The following FRMPD4 variants were observed in gnomAD, a reference collection of about 807,000 sequenced individuals.
The protein encoded by FRMPD4 is FERM and PDZ domain-containing protein 4.
In FRMPD4, 22 loss-of-function variants were observed where a neutral mutation model predicts 94.1. The ratio of observed to expected loss-of-function variants is 0.23; its 90% confidence interval spans 0.17 to 0.33. The LOEUF (loss-of-function observed/expected upper bound fraction) is 0.33, where lower values mean the gene tolerates loss of function less well. FRMPD4 is among the 10% of genes least tolerant of loss of function. The pLI is 1.00. For missense variants in FRMPD4, 1,111 were observed against 1,339.9 expected (o/e 0.83, Z 2.67); for synonymous variants, 631 against 548.6 (o/e 1.15, Z -2.10).
intron 1 of FRMPD4, among the ~76,000 whole-genome samples, chrX:12,453,084 C>A (rs748165821): frequency 5.3e-5 from 6 of 112,248 alleles, no homozygotes. Context: ...TACTTAGAGG[C>A]AAGTAGTATA....
intron 1 of FRMPD4, among the ~76,000 whole-genome samples, chrX:11,858,613 G>A (rs1320065034): frequency 9.0e-6 from 1 of 110,785 alleles, no homozygotes; most frequent in African/African-American, 3.3e-5. Context: ...TAAGATTAAT[G>A]TCTAGGTGAT....
intron 1 of FRMPD4, among the ~76,000 whole-genome samples, chrX:12,184,800 G>A (rs1000508314): frequency 1.8e-5 from 2 of 111,393 alleles, no homozygotes; most frequent in African/African-American, 6.5e-5. Context: ...TGGAGATAGA[G>A]AGTAGAAGGA....
chrX:12,297,386 G>T (rs2054789241), intron 1 of FRMPD4, among the ~76,000 whole-genome samples: 1 of 112,261 alleles, frequency 8.9e-6, no homozygotes, highest in Admixed American at 9.4e-5. Flanking sequence ...TCTGGTTATG[G>T]CCTTCTTGCT....
intron 3 of FRMPD4, among the ~76,000 whole-genome samples, chrX:12,080,522 T>C (rs1297117168): frequency 8.9e-6 from 1 of 112,220 alleles, no homozygotes; most frequent in African/African-American, 3.2e-5. Context: ...AGCCTGTGGA[T>C]TTCTGTGAGA....
chrX:12,246,429 G>A (rs1444582179), intron 1 of FRMPD4, among the ~76,000 whole-genome samples: 1 of 111,600 alleles, frequency 9.0e-6, no homozygotes, highest in Non-Finnish European at 1.9e-5. Context: ...TCAGCCCTTA[G>A]AATCATTGCT....
intron 3 of FRMPD4, among the ~76,000 whole-genome samples, chrX:11,985,129 G>A (rs748728064): frequency 9.0e-5 from 10 of 111,597 alleles, no homozygotes; most frequent in Non-Finnish European, 1.5e-4. Flanking sequence ...ACAGAAAAAA[G>A]CACCGTCATT....
At chrX:11,892,285 G>A (rs989903071) in intron 3 of FRMPD4, among the ~76,000 whole-genome samples, 4 of 111,814 alleles carry the variant, frequency 3.6e-5, no homozygotes, top group South Asian at 3.7e-4. Context: ...ATCTATAGGC[G>A]GCTTTCATGC....
At chrX:12,713,143 C>G in intron 14 of FRMPD4, among the ~76,000 whole-genome samples, 2 of 110,837 alleles carry the variant, frequency 1.8e-5, no homozygotes, top group Middle Eastern at 9.4e-3. Flanking sequence ...CAATTTGACA[C>G]AATTGTTTCC....
At chrX:12,383,550 ATC>A (rs1463462329) in intron 1 of FRMPD4, among the ~76,000 whole-genome samples, 1 of 111,315 alleles carries the variant, frequency 9.0e-6, no homozygotes, top group Non-Finnish European at 1.9e-5. Context: ...TTTATTATTC[ATC>A]TCTGTTTTCC....
At chrX:12,443,654 A>C (rs919441515) in intron 1 of FRMPD4, among the ~76,000 whole-genome samples, 7 of 111,794 alleles carry the variant, frequency 6.3e-5, no homozygotes, top group Non-Finnish European at 1.9e-5. Context: ...TAAGCTCTTG[A>C]GAGAGTTTAG....
intron 3 of FRMPD4, among the ~76,000 whole-genome samples, chrX:12,069,994 C>T (rs12557558): frequency 3.6e-5 from 4 of 111,167 alleles, no homozygotes; most frequent in African/African-American, 1.3e-4. Context: ...TGTGGGTAAA[C>T]CTTTCTAAAG....
chrX:12,698,859 C>G (rs1276124566), intron 9 of FRMPD4, among the ~76,000 whole-genome samples: 2 of 111,118 alleles, frequency 1.8e-5, no homozygotes, highest in Non-Finnish European at 3.8e-5. Flanking sequence ...TCATGGCAAC[C>G]TTGCGAGTTC....
intron 1 of FRMPD4, among the ~76,000 whole-genome samples, chrX:12,197,706 T>A (rs988406394): frequency 5.3e-5 from 6 of 112,164 alleles, no homozygotes; most frequent in African/African-American, 1.9e-4. Context: ...GTATTCAAGT[T>A]ACACATTTAA....
At chrX:12,663,696 G>A (rs1253095928) in intron 4 of FRMPD4, among the ~76,000 whole-genome samples, 2 of 112,136 alleles carry the variant, frequency 1.8e-5, no homozygotes, top group Non-Finnish European at 3.8e-5. Context: ...CTCTTTTTTG[G>A]TTCCATATGA....
intron 10 of FRMPD4, 52 bp from the exon 11 acceptor site, chrX:12,704,307 G>C (rs2041838699): frequency 7.0e-6 from 7 of 1,004,269 alleles, no homozygotes; most frequent in Non-Finnish European, 9.5e-6. Flanking sequence ...TTTTGTCTTA[G>C]ATAACTCATC....
chrX:12,028,143 T>C (rs947090869), intron 3 of FRMPD4, among the ~76,000 whole-genome samples: 1 of 111,881 alleles, frequency 8.9e-6, no homozygotes, highest in African/African-American at 3.2e-5. Flanking sequence ...CTGAGTCCAC[T>C]ACGAAGCTCA....
At chrX:12,465,799 G>GAA (rs1489419052) in intron 1 of FRMPD4, among the ~76,000 whole-genome samples, 1 of 112,073 alleles carries the variant, frequency 8.9e-6, no homozygotes, top group Non-Finnish European at 1.9e-5. Flanking sequence ...CCAAAATCAG[G>GAA]AAAATGATAT....
chrX:12,045,031 G>A (rs2054778151), intron 3 of FRMPD4, among the ~76,000 whole-genome samples: 1 of 111,996 alleles, frequency 8.9e-6, no homozygotes, highest in South Asian at 3.7e-4. Flanking sequence ...ACAATCTAAC[G>A]ATGTCTTTTA....
chrX:12,266,011 T>C (rs1301203863), intron 1 of FRMPD4, among the ~76,000 whole-genome samples: 1 of 106,969 alleles, frequency 9.3e-6, no homozygotes, highest in Non-Finnish European at 1.9e-5. Flanking sequence ...CAGGCGCCTG[T>C]AGTCCCAGCT....
Sources: allele counts gnomAD v4.1 joint callset (sites outside exome capture counted in the v4.1 genomes callset), GRCh38; gene constraint gnomAD v4.1.1; transcripts MANE v1.5; gene names NCBI Gene and HGNC (gene_info 2026-07-23, HGNC 2026-07-21).